The following ATP9B variants were observed in gnomAD, a reference collection of about 807,000 sequenced individuals.
The protein encoded by ATP9B is ATPase phospholipid transporting 9B, also known as probable phospholipid-transporting ATPase IIB.
In ATP9B, 110 loss-of-function variants were observed where a neutral mutation model predicts 146.1. The observed-to-expected ratio is 0.75, with a 90% confidence interval of 0.65 to 0.88. The LOEUF (loss-of-function observed/expected upper bound fraction) is 0.88, where lower values mean the gene tolerates loss of function less well. Among genes scored for constraint, ATP9B ranks in the 40% least tolerant of loss-of-function variants. The pLI, the probability that ATP9B is intolerant of heterozygous loss-of-function variation, is 0.00. For synonymous variants in ATP9B, 604 were observed against 569.7 expected, an observed-to-expected ratio of 1.06 and a Z score of -0.86; for missense variants, 1,499 against 1,496.4, an observed-to-expected ratio of 1.00 and a Z score of -0.03.
In ATP9B at chr18:79,253,490, A is replaced by G; in HGVS notation, c.1217A>G (p.Tyr406Cys). Residue 406 changes from tyrosine to cysteine, a missense_variant, in exon 12 of 30, where the codon TAC becomes TGC. Tyr to Cys is a radical substitution (Grantham distance 194). Transcript: ENST00000426216. ...TTACAAGGATTTGTGGGTCCATGGT[A>G]CCGCAATCTTTTTCGGTTCCTTCTC... ...VTLQGFVGPWYRNLFRFLLLF... is the reference protein window; with the variant it reads ...VTLQGFVGPWCRNLFRFLLLF... The G allele has an allele frequency of 6.2e-7, 1 of 1,610,088 alleles. No homozygotes were observed. Among genetic ancestry groups the G allele is most frequent in the Non-Finnish European group, 8.5e-7 (1 of 1,178,926 alleles).
rs769676961 is a variant in ATP9B, at chr18:79,329,160, CAG to C, written c.1798_1799del (p.Ser600CysfsTer47). ...CCGTAGGTCGCTCTGGTGCAGTGGA[CAG>C]AGAGTGTGGGCCTCACGCTGGTCAG... On this transcript the variant is annotated frameshift_variant, in exon 16 of 30. Coordinates refer to ENST00000426216, the MANE Select transcript of ATP9B (RefSeq NM_198531.5). LOFTEE classifies it high-confidence loss of function. The C allele has an allele frequency of 8.7e-6, 14 of 1,605,338 alleles. No homozygotes were observed. Among genetic ancestry groups the C allele is most frequent in the South Asian group, 4.5e-5 (4 of 89,338 alleles).
At chr18:79,359,876 C>T (rs1264947878) in intron 26 of ATP9B, 3 of 209,366 alleles carry the variant, frequency 1.4e-5, no homozygotes, top group African/African-American at 2.3e-5. Context: ...GCTGGGGAAC[C>T]CATGGGCTGC....
At chr18:79,329,849 A>G (rs2096780630) in intron 16 of ATP9B, among the ~76,000 whole-genome samples, 163 bp from the exon 17 acceptor site, 1 of 152,238 alleles carries the variant, frequency 6.6e-6, no homozygotes, top group Non-Finnish European at 1.5e-5. Flanking sequence ...ATTGCTGAAG[A>G]GTGGGCCTAG....
intron 8 of ATP9B, among the ~76,000 whole-genome samples, chr18:79,185,057 AG>A (rs748550070): frequency 3.8e-4 from 58 of 152,120 alleles, no homozygotes; most frequent in Middle Eastern, 3.4e-3. Flanking sequence ...ATTCTGTACA[AG>A]CGATCAGCAG....
intron 27 of ATP9B, 26 bp from the exon 28 acceptor site, chr18:79,373,872 T>C: frequency 1.9e-6 from 3 of 1,611,664 alleles, no homozygotes; most frequent in Non-Finnish European, 2.5e-6. Flanking sequence ...CTCGTGTGCA[T>C]GGAAAAAGCT....
chr18:79,375,727 G>A, intron 29 of ATP9B: 1 of 985,396 alleles, frequency 1.0e-6, no homozygotes, highest in Non-Finnish European at 1.2e-6. Context: ...TAGGGGCTGA[G>A]CTGCTGGAAA....
At position 79,253,456 on chromosome 18, in the gene ATP9B, A is replaced by G. The variant is rs1471161189; in HGVS notation, c.1183A>G (p.Met395Val). 5.6e-6 allele frequency: 9 copies of G among 1,613,774 alleles called. No individual in the cohort carries two copies. Among genetic ancestry groups the G allele is most frequent in the South Asian group, 1.1e-5 (1 of 90,962 alleles). The change falls in exon 12 of 30, where the codon ATG becomes GTG. Residue 395 changes from methionine to valine, a missense_variant. Met to Val is a conservative substitution (Grantham distance 21). Coordinates refer to ENST00000426216, the MANE Select transcript of ATP9B (RefSeq NM_198531.5). ...GGCTTTAGTTGCTCTTTCCATTGTT[A>G]TGGTAACCTTACAAGGATTTGTGGG... ...FLALVALSIV[M>V]VTLQGFVGPW...
intron 10 of ATP9B, among the ~76,000 whole-genome samples, chr18:79,213,372 T>C (rs2095600803): frequency 6.6e-6 from 1 of 152,146 alleles, no homozygotes; most frequent in South Asian, 2.1e-4. Flanking sequence ...TTCTCTTAAA[T>C]TTAAAAATTA....
intron 13 of ATP9B, among the ~76,000 whole-genome samples, chr18:79,296,072 G>C (rs959052782): frequency 6.6e-6 from 1 of 152,182 alleles, no homozygotes; most frequent in Admixed American, 6.5e-5. Flanking sequence ...CTGGAGTGCA[G>C]TGTCGTGATC....
At chr18:79,189,950 T>A (rs1330499257) in intron 8 of ATP9B, among the ~76,000 whole-genome samples, 3 of 152,214 alleles carry the variant, frequency 2.0e-5, no homozygotes, top group Non-Finnish European at 4.4e-5. Flanking sequence ...CACTCGGAAC[T>A]GTGATGCACA....
At chr18:79,124,215 T>C (rs1255870012) in intron 4 of ATP9B, among the ~76,000 whole-genome samples, 1 of 152,166 alleles carries the variant, frequency 6.6e-6, no homozygotes, top group Non-Finnish European at 1.5e-5. Flanking sequence ...GGAATGGGTA[T>C]GGTGCTTCAT....
intron 19 of ATP9B, among the ~76,000 whole-genome samples, chr18:79,341,844 G>T (rs2096861110): frequency 6.6e-6 from 1 of 152,174 alleles, no homozygotes; most frequent in South Asian, 2.1e-4. Context: ...GCCGATTCTT[G>T]TGCAGCCATC....
At chr18:79,153,742 C>T (rs557870759) in intron 6 of ATP9B, among the ~76,000 whole-genome samples, 1 of 151,448 alleles carries the variant, frequency 6.6e-6, no homozygotes, top group African/African-American at 2.4e-5. Context: ...CCTTGACCCT[C>T]CTGGCTCAAG....
intron 25 of ATP9B, among the ~76,000 whole-genome samples, chr18:79,356,823 C>CT (rs1378487536): frequency 1.5e-5 from 2 of 136,220 alleles, no homozygotes; most frequent in Non-Finnish European, 3.3e-5. Flanking sequence ...CTGGAGGTGT[C>CT]TGTGTGAGGG....
At chr18:79,243,407 C>T (rs1489674319) in intron 11 of ATP9B, among the ~76,000 whole-genome samples, 1 of 152,200 alleles carries the variant, frequency 6.6e-6, no homozygotes, top group Non-Finnish European at 1.5e-5. Flanking sequence ...GCTAATGGCT[C>T]TTGATTTAAA....
chr18:79,343,967 C>A (rs1407192160), intron 20 of ATP9B: 8 of 467,964 alleles, frequency 1.7e-5, no homozygotes, highest in African/African-American at 5.9e-5. Flanking sequence ...AACTCATAGG[C>A]ACCCTTTACA....
chr18:79,377,149 T>C, intron 29 of ATP9B, 98 bp from the exon 30 acceptor site: 6 of 1,443,108 alleles, frequency 4.2e-6, no homozygotes, highest in Non-Finnish European at 5.7e-6. Context: ...GTGGCAAGCT[T>C]AGACCGTCTG....
intron 15 of ATP9B, among the ~76,000 whole-genome samples, chr18:79,321,465 C>T (rs562835932): frequency 1.3e-5 from 2 of 151,600 alleles, no homozygotes; most frequent in African/African-American, 4.8e-5. Flanking sequence ...TCACTGCAAC[C>T]TCTGCCTCCC....
intron 7 of ATP9B, among the ~76,000 whole-genome samples, chr18:79,157,082 T>A (rs987188650): frequency 7.2e-5 from 11 of 152,072 alleles, no homozygotes; most frequent in Non-Finnish European, 4.4e-5. Flanking sequence ...TGTATTGGAC[T>A]GGGCGTGGTG....
Sources: gnomAD v4.1 joint callset for allele counts (sites outside exome capture counted in the v4.1 genomes callset) on GRCh38, gnomAD v4.1.1 for gene constraint, MANE v1.5 for transcripts, NCBI Gene and HGNC (gene_info 2026-07-23, HGNC 2026-07-21) for gene names.